Variants in SPECC1L observed in about 807,000 individuals in gnomAD.
SPECC1L encodes cytospin-A.
In SPECC1L, 40 loss-of-function variants were observed where a neutral mutation model predicts 116.8. That is an observed-to-expected ratio of 0.34 (90% confidence interval 0.27 to 0.45). The LOEUF is 0.45. SPECC1L is among the 20% of genes least tolerant of loss of function. The pLI, the probability that SPECC1L is intolerant of heterozygous loss-of-function variation, is 1.00. For missense variants in SPECC1L, 1,110 were observed against 1,373.6 expected (o/e 0.81, Z 3.03); for synonymous variants, 504 against 500.6 (o/e 1.01, Z -0.09).
Position 24,330,336 on chromosome 22 carries a change from C to G in SPECC1L, c.2301C>G (p.Ala767=), listed in dbSNP as rs200911412. The change falls in exon 8 of 17, where the codon GCC becomes GCG. Residue 767 remains alanine, a synonymous_variant. Coordinates refer to ENST00000314328, the MANE Select transcript of SPECC1L (RefSeq NM_015330.6). The part of the protein sequence containing the change: ...VVIANDIKSE[A]QEEIGDLKRR... The stretch of plus-strand genomic sequence containing the variant: ...TTGCAAATGACATTAAATCTGAAGC[C>G]CAAGAGGAGATTGGTGATCTAAAGC... 1 of 1,613,964 alleles carries G rather than the reference C, an allele frequency of 6.2e-7. No individual in the cohort carries two copies. The highest frequency in any genetic ancestry group is 8.5e-7 in the Non-Finnish European group (1 of 1,180,012).
chr22:24,377,834 G>A (rs763285876), intron 14 of SPECC1L, among the ~76,000 whole-genome samples: 2 of 152,208 alleles, frequency 1.3e-5, no homozygotes, highest in Non-Finnish European at 2.9e-5. Context: ...TGTCATCCAG[G>A]CTTTGTTGTT....
chr22:24,357,443 A>G (rs2041554234), intron 11 of SPECC1L, among the ~76,000 whole-genome samples: 1 of 152,206 alleles, frequency 6.6e-6, no homozygotes, highest in Non-Finnish European at 1.5e-5. Context: ...TAAATGCTTT[A>G]TAGATAGTTC....
intron 14 of SPECC1L, among the ~76,000 whole-genome samples, chr22:24,401,819 G>T (rs747257442): frequency 6.6e-6 from 1 of 152,088 alleles, no homozygotes; most frequent in Non-Finnish European, 1.5e-5. Flanking sequence ...GCCCTGACTC[G>T]TTCACACCAC....
At chr22:24,308,074 G>A (rs894867269) in intron 3 of SPECC1L, among the ~76,000 whole-genome samples, 3 of 151,492 alleles carry the variant, frequency 2.0e-5, no homozygotes, top group African/African-American at 7.3e-5. Flanking sequence ...TTTTGGGGGT[G>A]GGGGGGCTGT....
rs1189667167 is a variant in SPECC1L at position 24,322,358 on chromosome 22, A to G, written c.1378A>G (p.Ser460Gly). 1.7e-5 allele frequency: 28 copies of G among 1,614,254 alleles called. No individual in the cohort carries two copies. The highest frequency in any genetic ancestry group is 2.3e-5 in the Non-Finnish European group (27 of 1,180,040). The change falls in exon 5 of 17, where the codon AGT becomes GGT. Residue 460 changes from serine (S) to glycine (G), a missense_variant. This residue lies in a region of SPECC1L where 575 missense variants were observed against 682.4 expected (regional missense o/e 0.84). Coordinates refer to ENST00000314328, the MANE Select transcript of SPECC1L (RefSeq NM_015330.6). ...GCAGAGCGATAAGTTGGAACACTTT[A>G]GTCGACAGATTGAATACTTCCGCTC... is the stretch of plus-strand genomic sequence containing the variant. ...CQQSDKLEHF[S>G]RQIEYFRSLL...
chr22:24,371,383 TG>T (rs1228406898), intron 14 of SPECC1L, among the ~76,000 whole-genome samples: 16 of 152,158 alleles, frequency 1.1e-4, no homozygotes, highest in African/African-American at 3.9e-4. Flanking sequence ...GAGGCCAAGA[TG>T]AGAGGATCAC....
In SPECC1L at chr22:24,363,204, ATT is replaced by A. The variant is rs1601608977; in HGVS notation, c.2744-56_2744-55del. 3.7e-5 allele frequency: 53 copies of A among 1,451,482 alleles called. No individual in the cohort carries two copies. The East Asian group carries it at 1.2e-3, about 33-fold the overall frequency. 89.9% of individuals were successfully genotyped at this position (1,451,482 alleles called of 1,614,324 possible). A position where few individuals can be genotyped will look rare whatever the true frequency, so the allele number is the denominator to read the frequency against. On this transcript the variant is annotated intron_variant, in intron 11 of 16. Transcript: ENST00000314328. ...TAAAACTCACCTTCTTTGTACCTTT[ATT>A]ACTTTAAAGTTCAGCATCAGATTTC...
chr22:24,289,592 G>T (rs1249843210), intron 2 of SPECC1L, among the ~76,000 whole-genome samples: 1 of 152,128 alleles, frequency 6.6e-6, no homozygotes, highest in African/African-American at 2.4e-5. Flanking sequence ...TAGAATAATA[G>T]AAATCATAAG....
At chr22:24,297,310 C>G (rs1038117306) in intron 2 of SPECC1L, among the ~76,000 whole-genome samples, 2 of 151,430 alleles carry the variant, frequency 1.3e-5, no homozygotes, top group African/African-American at 4.9e-5. Flanking sequence ...TTCCATTTTA[C>G]ATAAAGGGTT....
intron 14 of SPECC1L, among the ~76,000 whole-genome samples, chr22:24,391,020 C>T (rs1428493491): frequency 6.6e-6 from 1 of 151,414 alleles, no homozygotes; most frequent in East Asian, 1.9e-4. Flanking sequence ...GGATTACAGG[C>T]GCATGCCAGC....
At chr22:24,374,801 A>G (rs540796938) in intron 14 of SPECC1L, among the ~76,000 whole-genome samples, 9 of 152,116 alleles carry the variant, frequency 5.9e-5, no homozygotes, top group Non-Finnish European at 1.3e-4. Context: ...TAGAAAAAAG[A>G]TAAGCTAAAC....
rs1285312422 is a variant in SPECC1L at position 24,417,033 on chromosome 22, G to A, written c.*2410G>A. The stretch of plus-strand genomic sequence containing the variant: ...TAGGAATGACTATAGATGCTCACAC[G>A]TGTTTAAAGTGACATTTGGAGATGC... On this transcript the variant is annotated 3_prime_UTR_variant, in exon 17 of 17. Transcript: ENST00000314328. 3.3e-5 allele frequency: 5 copies of A among 152,406 alleles called. No individual in the cohort carries two copies. The highest frequency in any genetic ancestry group is 4.1e-4 in the South Asian group (2 of 4,824). 9.4% of individuals were successfully genotyped at this position (152,406 alleles called of 1,614,324 possible).
At chr22:24,284,657 G>T (rs5996686) in intron 2 of SPECC1L, among the ~76,000 whole-genome samples, 19 of 152,040 alleles carry the variant, frequency 1.2e-4, no homozygotes, top group African/African-American at 4.6e-4. Flanking sequence ...GGATGGTCTC[G>T]ATCTCCTGAC....
At chr22:24,348,145 A>G (rs868153127) in intron 11 of SPECC1L, among the ~76,000 whole-genome samples, 11 of 152,078 alleles carry the variant, frequency 7.2e-5, no homozygotes, top group Non-Finnish European at 4.4e-5. Flanking sequence ...GCACTGCTTC[A>G]TTTGGGGTGG....
intron 3 of SPECC1L, among the ~76,000 whole-genome samples, chr22:24,310,253 G>A (rs2040436839): frequency 6.6e-6 from 1 of 152,034 alleles, no homozygotes; most frequent in African/African-American, 2.4e-5. Context: ...ATGCTTTCCT[G>A]TGTATATATA....
chr22:24,406,547 G>C (rs1042999527), intron 14 of SPECC1L, among the ~76,000 whole-genome samples: 1 of 152,204 alleles, frequency 6.6e-6, no homozygotes, highest in African/African-American at 2.4e-5. Flanking sequence ...TGTGGTCTGG[G>C]TTTGGGGATA....
chr22:24,374,388 A>G (rs910831290), intron 14 of SPECC1L, among the ~76,000 whole-genome samples: 1 of 152,164 alleles, frequency 6.6e-6, no homozygotes, highest in African/African-American at 2.4e-5. Flanking sequence ...CCCAAGAATG[A>G]TAGACTGGAT....
rs1394275775 is a variant in SPECC1L at position 24,281,155 on chromosome 22, G to A, written c.-38+4352G>A. On this transcript the variant is annotated intron_variant, in intron 2 of 16. Coordinates refer to ENST00000314328, the MANE Select transcript of SPECC1L (RefSeq NM_015330.6). ...GGAAGGATGTTTTGTATTTATATGTGTTCCTGGAAGCATCTGAGTTTTTAT... is the reference window on the plus strand; with the variant it reads ...GGAAGGATGTTTTGTATTTATATGTATTCCTGGAAGCATCTGAGTTTTTAT... 3.9e-5 allele frequency among the ~76,000 whole-genome samples: 6 copies of A among 152,166 alleles called. No homozygotes were observed. In the East Asian group the frequency reaches 9.6e-4, roughly 24 times the overall value.
intron 4 of SPECC1L, among the ~76,000 whole-genome samples, chr22:24,317,486 G>A (rs2040611180): frequency 8.1e-6 from 1 of 123,128 alleles, no homozygotes; most frequent in Non-Finnish European, 1.8e-5. Flanking sequence ...GCAGGGGGCT[G>A]ACCCCCCCAC....
Sources: gnomAD v4.1 joint callset for allele counts (sites outside exome capture counted in the v4.1 genomes callset) on GRCh38, gnomAD v4.1.1 for gene constraint, gnomAD v4.1.1 regional missense constraint, MANE v1.5 for transcripts, NCBI Gene and HGNC (gene_info 2026-07-23, HGNC 2026-07-21) for gene names.